EIF4G3: variants seen among roughly 807,000 people sequenced by gnomAD.
EIF4G3 encodes eIF-4-gamma 3.
Under a neutral mutation model 186.4 loss-of-function variants are expected in EIF4G3, and 34 were observed. The ratio of observed to expected loss-of-function variants is 0.18; its 90% confidence interval spans 0.14 to 0.24. EIF4G3 has a LOEUF of 0.24. Among genes scored for constraint, EIF4G3 ranks in the 10% least tolerant of loss-of-function variants. The pLI is 1.00. For missense variants in EIF4G3, 1,536 were observed against 1,948.5 expected (o/e 0.79, Z 3.99); for synonymous variants, 673 against 679.5 (o/e 0.99, Z 0.15).
chr1:21,141,673 T>C (rs1310618969), intron 2 of EIF4G3, among the ~76,000 whole-genome samples: 1 of 152,036 alleles, frequency 6.6e-6, no homozygotes, highest in East Asian at 1.9e-4. Flanking sequence ...TCATGCCTGT[T>C]ATCCCAACAC....
intron 2 of EIF4G3, among the ~76,000 whole-genome samples, chr1:21,148,933 G>C (rs960314556): frequency 2.6e-5 from 4 of 151,510 alleles, no homozygotes; most frequent in African/African-American, 4.8e-5. Flanking sequence ...AATGTTTTTT[G>C]AAATGTGACT....
At chr1:20,893,333 G>A in intron 18 of EIF4G3, 184 bp downstream of exon 18, 1 of 565,866 alleles carries the variant, frequency 1.8e-6, no homozygotes, top group South Asian at 6.8e-5. Context: ...CTTCTGCCAA[G>A]TAAAAAGAAC....
At chr1:21,016,044 A>G (rs1186492953) in intron 4 of EIF4G3, among the ~76,000 whole-genome samples, 1 of 152,184 alleles carries the variant, frequency 6.6e-6, no homozygotes, top group Non-Finnish European at 1.5e-5. Flanking sequence ...ATTTTGGTTC[A>G]TAAGTCCAGT....
At chr1:20,969,380 A>G in intron 12 of EIF4G3, 94 bp downstream of exon 12, 1 of 1,442,398 alleles carries the variant, frequency 6.9e-7, no homozygotes, top group Non-Finnish European at 9.4e-7. Flanking sequence ...ACTGATGGAA[A>G]TGAAAAGTAC....
chr1:21,106,382 C>T (rs896309564), intron 2 of EIF4G3, among the ~76,000 whole-genome samples: 5 of 151,670 alleles, frequency 3.3e-5, no homozygotes, highest in African/African-American at 1.2e-4. Context: ...AAATGAATGG[C>T]GAGAAAAGGA....
At chr1:21,005,636 T>C (rs906153835) in intron 4 of EIF4G3, among the ~76,000 whole-genome samples, 2 of 152,150 alleles carry the variant, frequency 1.3e-5, no homozygotes, top group African/African-American at 4.8e-5. Context: ...TAAGGGAACA[T>C]AGAGCCAACT....
intron 2 of EIF4G3, among the ~76,000 whole-genome samples, chr1:21,107,162 C>T (rs115622071): frequency 2.4e-3 from 367 of 152,206 alleles, no homozygotes; most frequent in African/African-American, 8.2e-3. Context: ...ATTTAGAAAA[C>T]TATCCAATTT....
chr1:20,969,399 G>A, intron 12 of EIF4G3, 75 bp downstream of exon 12: 2 of 1,535,866 alleles, frequency 1.3e-6, no homozygotes, highest in Non-Finnish European at 1.8e-6. Flanking sequence ...ACAGAAAGTG[G>A]CTATAGAAGA....
chr1:20,811,575 G>A (rs949129762), intron 35 of EIF4G3, among the ~76,000 whole-genome samples: 2 of 152,236 alleles, frequency 1.3e-5, no homozygotes, highest in African/African-American at 2.4e-5. Context: ...CATTTTGAAT[G>A]CTGGTTTCCC....
At chr1:21,109,960 T>C (rs2096690470) in intron 2 of EIF4G3, among the ~76,000 whole-genome samples, 1 of 151,916 alleles carries the variant, frequency 6.6e-6, no homozygotes, top group Non-Finnish European at 1.5e-5. Flanking sequence ...AATTTTTGTA[T>C]TTTGGGTAGA....
At chr1:20,813,332 G>C (rs2059630834) in intron 34 of EIF4G3, 93 bp from the exon 35 acceptor site, 2 of 724,746 alleles carry the variant, frequency 2.8e-6, no homozygotes, top group Admixed American at 4.7e-5. Context: ...GGGAGGCCGA[G>C]ACAGGAGGAT....
chr1:21,112,907 A>C (rs2096751033), intron 2 of EIF4G3, among the ~76,000 whole-genome samples: 1 of 152,194 alleles, frequency 6.6e-6, no homozygotes, highest in South Asian at 2.1e-4. Context: ...TACCAAAAAA[A>C]GTTTTGAAAA....
chr1:20,924,842 G>A (rs1158191506), intron 14 of EIF4G3, among the ~76,000 whole-genome samples: 1 of 152,202 alleles, frequency 6.6e-6, no homozygotes, highest in Non-Finnish European at 1.5e-5. Context: ...GATTACAGGT[G>A]TGAACCACCT....
At chr1:21,125,456 C>T (rs992858990) in intron 2 of EIF4G3, among the ~76,000 whole-genome samples, 7 of 152,184 alleles carry the variant, frequency 4.6e-5, no homozygotes, top group African/African-American at 1.2e-4. Context: ...CAGTGGCTCA[C>T]GCCTATAATC....
At position 20,839,581 on chromosome 1, in the gene EIF4G3, G is replaced by A. The variant is rs191481056; in HGVS notation, c.4061+1275C>T. ...GCAACCTTGGCTCACTGCAACCTCT[G>A]CCTCCCGGGTTCAAGCGATTCTTAT... On this transcript the variant is annotated intron_variant, in intron 30 of 36. Transcript: ENST00000602326. 5.4e-3 allele frequency among the ~76,000 whole-genome samples: 822 copies of A among 152,262 alleles called. 5 individuals carry two copies. Among genetic ancestry groups the A allele is most frequent in the South Asian group, 0.014 (69 of 4,828 alleles).
chr1:20,977,052 A>C (rs1245405026), intron 10 of EIF4G3, among the ~76,000 whole-genome samples: 1 of 151,580 alleles, frequency 6.6e-6, no homozygotes, highest in East Asian at 1.9e-4. Flanking sequence ...TAAATATTCC[A>C]TGTTAATTTA....
chr1:21,090,241 C>T (rs1260007557), intron 2 of EIF4G3, among the ~76,000 whole-genome samples: 2 of 152,134 alleles, frequency 1.3e-5, no homozygotes, highest in Non-Finnish European at 2.9e-5. Flanking sequence ...TTCGAATTCT[C>T]CTCTTTCTTT....
At chr1:20,908,769 G>C (rs1335733227) in intron 14 of EIF4G3, among the ~76,000 whole-genome samples, 1 of 152,028 alleles carries the variant, frequency 6.6e-6, no homozygotes, top group Non-Finnish European at 1.5e-5. Context: ...TGAGGGCTAG[G>C]GCTAATGTAA....
chr1:21,147,225 G>A (rs2097458579), intron 2 of EIF4G3, among the ~76,000 whole-genome samples: 1 of 151,808 alleles, frequency 6.6e-6, no homozygotes, highest in African/African-American at 2.4e-5. Context: ...TCGTGCCACT[G>A]CACTCCAGCC....
Sources: gnomAD v4.1 joint callset for allele counts (sites outside exome capture counted in the v4.1 genomes callset) on GRCh38, gnomAD v4.1.1 for gene constraint, MANE v1.5 for transcripts, NCBI Gene and HGNC (gene_info 2026-07-23, HGNC 2026-07-21) for gene names.